Variants in SETD1B observed in about 807,000 individuals in gnomAD.
SETD1B encodes the protein SET domain containing 1B, histone lysine methyltransferase.
SETD1B carries 7 observed loss-of-function variants against 148.0 expected under a neutral mutation model. The ratio of observed to expected loss-of-function variants is 0.05; its 90% CI spans 0.03 to 0.09. The LOEUF (loss-of-function observed/expected upper bound fraction) is 0.09. Among genes scored for constraint, SETD1B ranks in the 10% least tolerant of loss-of-function variants. The probability of loss-of-function intolerance (pLI) is 1.00; values close to 1 mark genes in which losing one functional copy is unlikely to be tolerated. For synonymous variants in SETD1B, 1,361 were observed against 1,186.5 expected (o/e 1.15, Z -3.02); for missense variants, 2,155 against 2,729.9 (o/e 0.79, Z 4.69).
intron 16 of SETD1B, among the ~76,000 whole-genome samples, chr12:121,829,099 G>A (rs576352039): frequency 1.6e-4 from 25 of 152,224 alleles, no homozygotes; most frequent in African/African-American, 5.8e-4. Flanking sequence ...TGGGGTAAGA[G>A]GATGGGGTGG....
At position 121,822,926 on chromosome 12, in the gene SETD1B, A is replaced by G. The variant is rs1271519474; in HGVS notation, c.4347A>G (p.Pro1449=). 3.9e-6 allele frequency: 6 copies of G among 1,521,862 alleles called. No homozygotes were observed. Among genetic ancestry groups the G allele is most frequent in the Admixed American group, 2.1e-5 (1 of 47,704 alleles). The allele number at this position is 1,521,862 out of a possible 1,614,324, so 94.3% of individuals were successfully genotyped here. A position where few individuals can be genotyped will look rare whatever the true frequency, so the allele number is the denominator to read the frequency against. The change falls in exon 12 of 17, where the codon CCA becomes CCG. Residue 1449 remains proline (P), a synonymous_variant. Transcript: ENST00000604567. Reference sequence around the variant, plus strand: ...GGCCCTTGCTCCTGCCCGTCTGCCCACTCCCCACTGGCCGACGCGATGAAC... The same window carrying G: ...GGCCCTTGCTCCTGCCCGTCTGCCCGCTCCCCACTGGCCGACGCGATGAAC... ...PSGPLLLPVC[P]LPTGRRDERS...
In SETD1B at chr12:121,831,766, C is replaced by T. The variant is rs1467914274; in HGVS notation, c.*1527C>T. On this transcript the variant is annotated 3_prime_UTR_variant, in exon 17 of 17. Transcript: ENST00000604567. ...GCTCCATGAGGGAGCTGCTCCCACC[C>T]TGCGGACGCAGGCGGCCGGAGCCTC... 6.6e-6 allele frequency: 1 copy of T among 152,248 alleles called. No individual in the cohort carries two copies. The highest frequency in any genetic ancestry group is 1.9e-4 in the East Asian group (1 of 5,194). The allele number at this position is 152,248 out of a possible 1,614,324, so 9.4% of individuals were successfully genotyped here. A position where few individuals can be genotyped will look rare whatever the true frequency, so the allele number is the denominator to read the frequency against.
chr12:121,810,136 C>T lies in SETD1B; in HGVS notation c.1191C>T (p.Phe397=). The T allele has an allele frequency of 6.5e-7, 1 of 1,550,110 alleles. No homozygotes were observed. Among genetic ancestry groups the T allele is most frequent in the South Asian group, 1.2e-5 (1 of 84,056 alleles). The change falls in exon 6 of 17, where the codon TTC becomes TTT. Residue 397 remains phenylalanine, a synonymous_variant. Transcript: ENST00000604567. This position sits in a 1 kb window ranked among gnomAD's most constrained non-coding sequence, Gnocchi z 7.6. ...ATPAPGFKSA[F]SPYQTPVAHF... is the part of the protein sequence containing the mutation. ...CTGCTCCTGGATTCAAGTCTGCTTT[C>T]TCTCCGTATCAGACCCCAGTGGCCC...
chr12:121,813,996 C>T (rs1349637117), intron 6 of SETD1B, 110 bp from the exon 7 acceptor site: 11 of 876,546 alleles, frequency 1.3e-5, no homozygotes, highest in African/African-American at 1.7e-5. Context: ...ATGGCTTGCA[C>T]TGGGTCACAC....
At chr12:121,797,610 G>A in the SETD1B span, 2 of 456,408 alleles carry the variant, frequency 4.4e-6, no homozygotes, top group African/African-American at 4.0e-5. Flanking sequence ...TCCAGGGAGG[G>A]GAGAAACTGG....
chr12:121,805,067 T>C lies in SETD1B; in HGVS notation c.175-51T>C. The C allele has an allele frequency of 6.5e-7, 1 of 1,528,970 alleles. No individual in the cohort carries two copies. The highest frequency in any genetic ancestry group is 2.5e-5 in the East Asian group (1 of 40,704). The allele number at this position is 1,528,970 out of a possible 1,614,324, so 94.7% of individuals were successfully genotyped here. ...GTGCCTCGAGAAAGGGGTCTGCCCA[T>C]GGGGAGGGGGACCAGTTCTCTCATC... On this transcript the variant is annotated intron_variant, in intron 2 of 16. Coordinates refer to ENST00000604567, the MANE Select transcript of SETD1B (RefSeq NM_001353345.2). The surrounding 1 kb of genome is among the most constrained non-coding windows in gnomAD (Gnocchi z 4.2).
intron 13 of SETD1B, among the ~76,000 whole-genome samples, chr12:121,826,751 T>C (rs1046381774): frequency 6.6e-6 from 1 of 151,900 alleles, no homozygotes; most frequent in Admixed American, 6.6e-5. Context: ...CGAGGAGCCA[T>C]TAGCTGTGGA....
chr12:121,792,142 C>A, the SETD1B span, among the ~76,000 whole-genome samples: 1 of 133,110 alleles, frequency 7.5e-6, no homozygotes, highest in Admixed American at 7.0e-5. Context: ...CGGGTCCTCT[C>A]CAAGGTCTAG....
At chr12:121,825,792 C>G (rs1401793580) in intron 13 of SETD1B, among the ~76,000 whole-genome samples, 5 of 151,958 alleles carry the variant, frequency 3.3e-5, no homozygotes, top group African/African-American at 9.7e-5. Flanking sequence ...TTACAGGTGC[C>G]CACCACCATG....
At chr12:121,824,231 G>C (rs991488157) in intron 12 of SETD1B, among the ~76,000 whole-genome samples, 25 of 152,242 alleles carry the variant, frequency 1.6e-4, no homozygotes, top group Non-Finnish European at 3.5e-4. Flanking sequence ...TGGCTCTAGA[G>C]TCCAGGCTCT....
At chr12:121,821,054 A>G (rs1195676005) in intron 11 of SETD1B, among the ~76,000 whole-genome samples, 1 of 152,124 alleles carries the variant, frequency 6.6e-6, no homozygotes, top group Middle Eastern at 3.2e-3. Flanking sequence ...TATACCAGGG[A>G]GTGTTAGAAC....
Position 121,805,048 on chromosome 12 carries a change from C to G in SETD1B, c.175-70C>G. 6.7e-7 allele frequency: 1 copy of G among 1,497,600 alleles called. No homozygotes were observed. The highest frequency in any genetic ancestry group is 9.1e-7 in the Non-Finnish European group (1 of 1,104,156). 92.8% of individuals were successfully genotyped at this position (1,497,600 alleles called of 1,614,324 possible). ...CAGCCCTGGAGTTTGACAAGTGCCT[C>G]GAGAAAGGGGTCTGCCCATGGGGAG... On this transcript the variant is annotated intron_variant, in intron 2 of 16. Transcript: ENST00000604567. This position sits in a 1 kb window ranked among gnomAD's most constrained non-coding sequence, Gnocchi z 4.2.
At chr12:121,825,808 C>T (rs1461067673) in intron 13 of SETD1B, among the ~76,000 whole-genome samples, 1 of 152,006 alleles carries the variant, frequency 6.6e-6, no homozygotes, top group Non-Finnish European at 1.5e-5. Context: ...CCATGCCTGG[C>T]TAATTTTTTG....
rs1592972839 is a variant in SETD1B at position 121,805,048 on chromosome 12, C to T, written c.175-70C>T. The T allele has an allele frequency of 8.7e-6, 13 of 1,497,600 alleles. No homozygotes were observed. In the East Asian group the frequency reaches 1.2e-4, roughly 14 times the overall value. The allele number at this position is 1,497,600 out of a possible 1,614,324, so 92.8% of individuals were successfully genotyped here. On this transcript the variant is annotated intron_variant, in intron 2 of 16. Transcript: ENST00000604567. The surrounding 1 kb of genome is among the most constrained non-coding windows in gnomAD (Gnocchi z 4.2). ...CAGCCCTGGAGTTTGACAAGTGCCT[C>T]GAGAAAGGGGTCTGCCCATGGGGAG...
At chr12:121,797,388 TGGGCG>T in the SETD1B span, 1 of 447,364 alleles carries the variant, frequency 2.2e-6, no homozygotes, top group East Asian at 7.0e-5. Flanking sequence ...GGGTGACCGG[TGGGCG>T]GGGCGCCCTC....
At chr12:121,812,344 C>A (rs1253301147) in intron 6 of SETD1B, among the ~76,000 whole-genome samples, 1 of 152,218 alleles carries the variant, frequency 6.6e-6, no homozygotes, top group Non-Finnish European at 1.5e-5. Context: ...AAGTCACTTA[C>A]TGGTTATGTG....
Position 121,810,156 on chromosome 12 carries a change from T to C in SETD1B, c.1211T>C (p.Val404Ala). The change falls in exon 6 of 17, where the codon GTG becomes GCG. Residue 404 changes from valine to alanine, a missense_variant. Physicochemically the swap from Val to Ala is moderately conservative, Grantham distance 64 (BLOSUM62 0). Coordinates refer to ENST00000604567, the MANE Select transcript of SETD1B (RefSeq NM_001353345.2). The surrounding 1 kb of genome is among the most constrained non-coding windows in gnomAD (Gnocchi z 7.6). ...KSAFSPYQTP[V>A]AHFPPPPEEP... The stretch of plus-strand genomic sequence containing the variant: ...GCTTTCTCTCCGTATCAGACCCCAG[T>C]GGCCCACTTCCCTCCACCCCCGGAA... 6.5e-7 allele frequency: 1 copy of C among 1,549,974 alleles called. No individual in the cohort carries two copies. The highest frequency in any genetic ancestry group is 8.7e-7 in the Non-Finnish European group (1 of 1,146,854).
chr12:121,830,274 G>A lies in SETD1B; in HGVS notation c.*35G>A, dbSNP rs1877031887. On this transcript the variant is annotated 3_prime_UTR_variant, in exon 17 of 17. Transcript: ENST00000604567. This position sits in a 1 kb window ranked among gnomAD's most constrained non-coding sequence, Gnocchi z 5.7. ...CCAGACTCAAAGGATGTCAGCCGTAGCCCTGGGACTCCCGAGCGTGGAGCC... is the reference window on the plus strand; with the variant it reads ...CCAGACTCAAAGGATGTCAGCCGTAACCCTGGGACTCCCGAGCGTGGAGCC... The A allele has an allele frequency of 1.3e-6, 2 of 1,537,340 alleles. No individual in the cohort carries two copies. The highest frequency in any genetic ancestry group is 1.8e-6 in the Non-Finnish European group (2 of 1,141,058).
the SETD1B span, among the ~76,000 whole-genome samples, chr12:121,798,881 G>A: frequency 6.6e-6 from 1 of 152,236 alleles, no homozygotes; most frequent in Non-Finnish European, 1.5e-5. Context: ...TTCAATACAT[G>A]AAGTCGGCTA....
Sources: gnomAD v4.1 joint callset for allele counts (sites outside exome capture counted in the v4.1 genomes callset) on GRCh38, gnomAD v4.1.1 for gene constraint, Gnocchi (gnomAD v3.1) non-coding constraint, MANE v1.5 for transcripts, NCBI Gene and HGNC (gene_info 2026-07-23, HGNC 2026-07-21) for gene names.